The following LARGE1 variants were observed in gnomAD, a reference collection of about 807,000 sequenced individuals.
The protein encoded by LARGE1 is xylosyl- and glucuronyltransferase LARGE1.
In LARGE1, 43 loss-of-function variants were observed where a neutral mutation model predicts 87.6. The ratio of observed to expected loss-of-function variants is 0.49; its 90% CI spans 0.38 to 0.63. The LOEUF is 0.63. Ranked by LOEUF, LARGE1 falls within the 30% of genes least tolerant of loss-of-function variation. LARGE1 has a pLI of 0.00. For missense variants in LARGE1, 802 were observed against 1,000.2 expected, an observed-to-expected ratio of 0.80 and a Z score of 2.67; for synonymous variants, 434 against 394.6, an observed-to-expected ratio of 1.10 and a Z score of -1.18.
chr22:33,277,019 C>G, intron 14 of LARGE1, 41 bp downstream of exon 14: 1 of 1,587,616 alleles, frequency 6.3e-7, no homozygotes, highest in Non-Finnish European at 8.7e-7. Context: ...CTAGGCCTCT[C>G]CCCCGTCGAC....
intron 7 of LARGE1, among the ~76,000 whole-genome samples, chr22:33,423,047 T>A (rs2066750792): frequency 6.6e-6 from 1 of 151,952 alleles, no homozygotes; most frequent in Non-Finnish European, 1.5e-5. Flanking sequence ...TCACTGAACT[T>A]GGAGAACAAG....
intron 11 of LARGE1, among the ~76,000 whole-genome samples, chr22:33,232,108 A>C (rs1295936094): frequency 6.6e-6 from 1 of 152,146 alleles, no homozygotes; most frequent in Non-Finnish European, 1.5e-5. Context: ...AAGACCATGC[A>C]TTTTCACTTT....
intron 6 of LARGE1, among the ~76,000 whole-genome samples, chr22:33,503,290 T>C (rs933242659): frequency 6.7e-6 from 1 of 148,850 alleles, no homozygotes; most frequent in African/African-American, 2.5e-5. Flanking sequence ...GGAGTCTTGC[T>C]CTGTTGCCCA....
chr22:33,376,755 T>C (rs1378788630), intron 9 of LARGE1, among the ~76,000 whole-genome samples: 1 of 152,228 alleles, frequency 6.6e-6, no homozygotes, highest in Non-Finnish European at 1.5e-5. Flanking sequence ...TTTAATTTTG[T>C]ATCTGTTACT....
intron 1 of LARGE1, among the ~76,000 whole-genome samples, chr22:33,857,000 A>G (rs1376667586): frequency 6.6e-6 from 1 of 152,042 alleles, no homozygotes; most frequent in African/African-American, 2.4e-5. Context: ...GCGTGATCTC[A>G]GTTCACTGCA....
chr22:33,652,951 T>TA (rs2080863029), intron 2 of LARGE1, among the ~76,000 whole-genome samples: 1 of 152,192 alleles, frequency 6.6e-6, no homozygotes, highest in African/African-American at 2.4e-5. Flanking sequence ...GCAGAATTGG[T>TA]AGGGGACGTG....
intron 1 of LARGE1, among the ~76,000 whole-genome samples, chr22:33,878,059 C>T (rs1226291409): frequency 6.7e-6 from 1 of 148,228 alleles, no homozygotes; most frequent in Non-Finnish European, 1.5e-5. Context: ...TTAATTTTAC[C>T]TCTTTTTACC....
chr22:33,810,852 T>C (rs2086471573), intron 1 of LARGE1, among the ~76,000 whole-genome samples: 1 of 152,074 alleles, frequency 6.6e-6, no homozygotes, highest in Non-Finnish European at 1.5e-5. Flanking sequence ...GTCTCCCAAG[T>C]AGCTGGGACT....
At chr22:33,729,022 T>C (rs1217686581) in intron 2 of LARGE1, among the ~76,000 whole-genome samples, 1 of 152,234 alleles carries the variant, frequency 6.6e-6, no homozygotes, top group Non-Finnish European at 1.5e-5. Flanking sequence ...TGAGCTTTTA[T>C]TTCAGAAAAG....
intron 2 of LARGE1, among the ~76,000 whole-genome samples, chr22:33,742,602 T>C (rs1317926467): frequency 1.3e-5 from 2 of 152,204 alleles, no homozygotes; most frequent in African/African-American, 2.4e-5. Context: ...CCAGGTCTTC[T>C]GGTGCAAGAA....
chr22:33,580,654 A>G (rs1602544980), intron 5 of LARGE1, among the ~76,000 whole-genome samples: 1 of 152,194 alleles, frequency 6.6e-6, no homozygotes, highest in Admixed American at 6.5e-5. Context: ...TATATATACA[A>G]TGTAAGGGCA....
intron 6 of LARGE1, among the ~76,000 whole-genome samples, chr22:33,443,916 C>T (rs1266125022): frequency 6.6e-6 from 1 of 152,266 alleles, no homozygotes; most frequent in Middle Eastern, 3.2e-3. Flanking sequence ...CACGAGGCGG[C>T]AGAGCTGGCC....
chr22:33,715,165 G>A (rs1198983368), intron 2 of LARGE1, among the ~76,000 whole-genome samples: 1 of 152,196 alleles, frequency 6.6e-6, no homozygotes, highest in Non-Finnish European at 1.5e-5. Context: ...TGGATGTCCA[G>A]AGAAAATTAA....
chr22:33,744,119 G>T (rs145631295), intron 2 of LARGE1: 3 of 152,212 alleles, frequency 2.0e-5, no homozygotes, highest in Non-Finnish European at 4.4e-5. Flanking sequence ...TATTTTATTT[G>T]CAATCACAGA....
chr22:33,917,702 C>A (rs988475739), intron 1 of LARGE1, among the ~76,000 whole-genome samples: 7 of 152,178 alleles, frequency 4.6e-5, no homozygotes, highest in African/African-American at 1.4e-4. Flanking sequence ...ATAACTGAGT[C>A]TTTTCAGAAT....
At chr22:33,634,919 C>A (rs1253375233) in intron 3 of LARGE1, among the ~76,000 whole-genome samples, 1 of 151,846 alleles carries the variant, frequency 6.6e-6, no homozygotes, top group Non-Finnish European at 1.5e-5. Context: ...ACAGGTCAGA[C>A]CAGCCTGGCC....
chr22:33,325,059 C>A (rs1480489092), intron 10 of LARGE1, among the ~76,000 whole-genome samples: 2 of 152,312 alleles, frequency 1.3e-5, no homozygotes, highest in South Asian at 4.1e-4. Flanking sequence ...ATACAATGCG[C>A]GAACAGAGTA....
the LARGE1 span, among the ~76,000 whole-genome samples, chr22:33,155,754 A>G: frequency 6.6e-6 from 1 of 152,164 alleles, no homozygotes; most frequent in Non-Finnish European, 1.5e-5. Context: ...GACAAAGGAG[A>G]AAATGTCTCC....
chr22:33,865,574 C>T (rs1213334912), intron 1 of LARGE1, among the ~76,000 whole-genome samples: 3 of 152,072 alleles, frequency 2.0e-5, no homozygotes, highest in African/African-American at 7.2e-5. Context: ...ACAATGAGAT[C>T]CTTTCCATGG....
Sources: allele counts gnomAD v4.1 joint callset (sites outside exome capture counted in the v4.1 genomes callset), GRCh38; gene constraint gnomAD v4.1.1; transcripts MANE v1.5; gene names NCBI Gene and HGNC (gene_info 2026-07-23, HGNC 2026-07-21).